BCOR: variants seen among roughly 807,000 people sequenced by gnomAD.
The protein encoded by BCOR is BCL-6 corepressor.
A neutral mutation model predicts 86.7 loss-of-function variants in BCOR; 10 were observed. The observed-to-expected ratio is 0.12, with a 90% CI of 0.07 to 0.20. The LOEUF is 0.20. Among genes scored for constraint, BCOR ranks in the 10% least tolerant of loss-of-function variants. The pLI, the probability that BCOR is intolerant of heterozygous loss-of-function variation, is 1.00. For synonymous variants in BCOR, 611 were observed against 609.0 expected (o/e 1.00, Z -0.05); for missense variants, 1,259 against 1,452.1 (o/e 0.87, Z 2.16).
chrX:40,150,670 C>CG (rs1422974000), intron 1 of BCOR, among the ~76,000 whole-genome samples: 3 of 111,810 alleles, frequency 2.7e-5, no homozygotes, highest in Non-Finnish European at 5.6e-5. Context: ...CAGATCCCCC[C>CG]GGTGGTGGTT....
rs767954526 is a variant in BCOR, at chrX:40,065,914, C to T, written c.3239-1315G>A. Among the ~76,000 whole-genome samples the T allele has an allele frequency of 1.3e-4, 14 of 111,109 alleles. No individual in the cohort carries two copies. In the South Asian group the frequency reaches 5.1e-3, roughly 41 times the overall value. On this transcript the variant is annotated intron_variant, in intron 6 of 14. Transcript: ENST00000378444. ...ACCAGCACCGCTCACCCGCTTCTCT[C>T]GGGGGCATTGCCAGCGGTTCACGGC... is the stretch of plus-strand genomic sequence containing the variant.
chrX:40,052,440 A>G (rs377065869), intron 14 of BCOR, 40 bp from the exon 15 acceptor site: 277 of 1,174,926 alleles, frequency 2.4e-4, no homozygotes, highest in Non-Finnish European at 3.1e-4. Context: ...TTTCCAGTAA[A>G]ATGAAAAGTG....
chrX:40,160,659 CTT>C (rs145716696), intron 1 of BCOR, among the ~76,000 whole-genome samples: 10 of 81,280 alleles, frequency 1.2e-4, no homozygotes, highest in East Asian at 3.8e-4. Context: ...TGATCCTCTA[CTT>C]TTTTTTTTTT....
chrX:40,120,197 C>G (rs1036353160), intron 1 of BCOR, among the ~76,000 whole-genome samples: 5 of 111,013 alleles, frequency 4.5e-5, no homozygotes, highest in African/African-American at 1.6e-4. Context: ...CCTAGGCCCC[C>G]ACCCTGTCTT....
At chrX:40,111,454 GA>G (rs1355253969) in intron 1 of BCOR, among the ~76,000 whole-genome samples, 3 of 112,339 alleles carry the variant, frequency 2.7e-5, no homozygotes, top group Non-Finnish European at 5.6e-5. Context: ...GTTATTTTAA[GA>G]CACTGGAATA....
intron 4 of BCOR, 189 bp from the exon 5 acceptor site, chrX:40,071,879 C>T: frequency 2.4e-6 from 1 of 423,765 alleles, no homozygotes. Context: ...TAAATACATA[C>T]TCTATCCCTT....
intron 1 of BCOR, among the ~76,000 whole-genome samples, chrX:40,165,506 C>A (rs758373543): frequency 3.6e-5 from 4 of 112,228 alleles, no homozygotes; most frequent in Non-Finnish European, 7.5e-5. Flanking sequence ...GGGTCTAGGA[C>A]CTGCCCCTTC....
chrX:40,129,736 C>T (rs1937583682), intron 1 of BCOR, among the ~76,000 whole-genome samples: 1 of 110,155 alleles, frequency 9.1e-6, no homozygotes, highest in African/African-American at 3.3e-5. Context: ...AGTGGTGGCT[C>T]TGCCTCTAAG....
At chrX:40,077,652 T>A in intron 2 of BCOR, 192 bp downstream of exon 2, 1 of 445,124 alleles carries the variant, frequency 2.2e-6, no homozygotes, top group South Asian at 3.3e-5. Flanking sequence ...CTTTAGGGGC[T>A]AATCTTTTAA....
At chrX:40,157,898 G>A (rs992728942) in intron 1 of BCOR, among the ~76,000 whole-genome samples, 7 of 112,836 alleles carry the variant, frequency 6.2e-5, no homozygotes, top group African/African-American at 2.2e-4. Flanking sequence ...GCCTTTACTA[G>A]AGAATACCGT....
At chrX:40,069,682 C>A (rs187502565) in intron 6 of BCOR, among the ~76,000 whole-genome samples, 2 of 112,482 alleles carry the variant, frequency 1.8e-5, no homozygotes, top group Non-Finnish European at 3.8e-5. Flanking sequence ...TGACAACCTT[C>A]CCAAGAGCTG....
intron 1 of BCOR, among the ~76,000 whole-genome samples, chrX:40,128,491 A>G (rs901251597): frequency 9.0e-6 from 1 of 111,429 alleles, no homozygotes; most frequent in African/African-American, 3.3e-5. Context: ...GGTTGCAGTG[A>G]GCCCAGATCA....
intron 1 of BCOR, among the ~76,000 whole-genome samples, chrX:40,113,211 T>C (rs1311597395): frequency 5.9e-5 from 6 of 102,258 alleles, no homozygotes; most frequent in Admixed American, 1.1e-4. Context: ...ATTTATTTAT[T>C]TATTTTGAGA....
chrX:40,083,484 T>G (rs974296766), intron 1 of BCOR, among the ~76,000 whole-genome samples: 1 of 112,070 alleles, frequency 8.9e-6, no homozygotes, highest in Non-Finnish European at 1.9e-5. Context: ...CCCAGACCAT[T>G]CCAGCACCCA....
chrX:40,105,359 G>T (rs1381218186), intron 1 of BCOR, among the ~76,000 whole-genome samples: 3 of 112,044 alleles, frequency 2.7e-5, no homozygotes, highest in East Asian at 5.7e-4. Flanking sequence ...GCAGTCACGG[G>T]GACCGGAAGC....
intron 1 of BCOR, among the ~76,000 whole-genome samples, chrX:40,169,136 A>G (rs1040412246): frequency 1.8e-5 from 2 of 112,786 alleles, no homozygotes; most frequent in Non-Finnish European, 3.7e-5. Flanking sequence ...GTGAAAACCA[A>G]TTTGGAGAAA....
intron 1 of BCOR, among the ~76,000 whole-genome samples, chrX:40,160,589 G>A (rs1938393733): frequency 9.5e-6 from 1 of 105,483 alleles, no homozygotes; most frequent in Admixed American, 1.0e-4. Context: ...GCCCATTACT[G>A]ACACTAGAAA....
chrX:40,067,445 A>G (rs1012568776), intron 6 of BCOR, among the ~76,000 whole-genome samples: 2 of 111,284 alleles, frequency 1.8e-5, no homozygotes, highest in African/African-American at 6.6e-5. Flanking sequence ...CGAAACACAC[A>G]TGCCTCCTCC....
intron 1 of BCOR, among the ~76,000 whole-genome samples, chrX:40,125,999 C>T (rs1466775017): frequency 1.9e-5 from 2 of 107,883 alleles, no homozygotes; most frequent in Non-Finnish European, 1.9e-5. Context: ...ATCACGAGGT[C>T]GAGAGATTGA....
Sources: gnomAD v4.1 joint callset for allele counts (sites outside exome capture counted in the v4.1 genomes callset) on GRCh38, gnomAD v4.1.1 for gene constraint, MANE v1.5 for transcripts, NCBI Gene and HGNC (gene_info 2026-07-23, HGNC 2026-07-21) for gene names.